The following MYH11 variants were observed in gnomAD, a reference collection of about 807,000 sequenced individuals.
MYH11 encodes myosin heavy chain 11.
A neutral mutation model predicts 246.6 loss-of-function variants in MYH11; 80 were observed. The observed-to-expected ratio is 0.32, with a 90% CI of 0.27 to 0.39. The LOEUF is 0.39. MYH11 is among the 10% of genes least tolerant of loss of function. The probability of loss-of-function intolerance (pLI) is 1.00; values close to 1 mark genes in which losing one functional copy is unlikely to be tolerated. For synonymous variants in MYH11, 1,071 were observed against 1,015.5 expected (o/e 1.05, Z -1.04); for missense variants, 2,158 against 2,546.8 (o/e 0.85, Z 3.29).
At chr16:15,814,152 AAC>A (rs1163924400) in intron 3 of MYH11, among the ~76,000 whole-genome samples, 21 of 151,726 alleles carry the variant, frequency 1.4e-4, no homozygotes, top group Admixed American at 7.9e-4. Context: ...AAAAAAAACA[AAC>A]AAACCAAAAA....
At chr16:15,789,736 G>A (rs1181732867) in intron 4 of MYH11, among the ~76,000 whole-genome samples, 3 of 152,196 alleles carry the variant, frequency 2.0e-5, no homozygotes, top group Non-Finnish European at 4.4e-5. Flanking sequence ...AACCTTGCTT[G>A]ACTTCATTCT....
chr16:15,731,710 C>T (rs1223317019), intron 27 of MYH11, among the ~76,000 whole-genome samples: 1 of 151,976 alleles, frequency 6.6e-6, no homozygotes, highest in African/African-American at 2.4e-5. Flanking sequence ...CCAGGCTGGT[C>T]TCGAACTCCT....
At chr16:15,783,121 C>CA (rs2042393162) in intron 5 of MYH11, 1 of 152,966 alleles carries the variant, frequency 6.5e-6, no homozygotes, top group Admixed American at 6.5e-5. Context: ...CACAGCCCAC[C>CA]GGCCCCCTCT....
Position 15,763,810 on chromosome 16 carries a change from A to G in MYH11, c.1115T>C (p.Met372Thr), listed in dbSNP as rs886038835. The G allele has an allele frequency of 7.1e-7, 1 of 1,409,764 alleles. No homozygotes were observed. 87.3% of individuals were successfully genotyped at this position (1,409,764 alleles called of 1,614,324 possible). Reference protein sequence around the residue: ...KKERNTDQASMPDNTAAQKVC... With the variant: ...KKERNTDQASTPDNTAAQKVC... Reference sequence around the variant, plus strand: ...GTGGCAAGTACCTGTGTTATCTGGCATGGACGCCTGGTCTGTGTTTCTTTC... The same window carrying G: ...GTGGCAAGTACCTGTGTTATCTGGCGTGGACGCCTGGTCTGTGTTTCTTTC... The change falls in exon 10 of 41, where the codon ATG becomes ACG. Residue 372 changes from methionine to threonine, a missense_variant. Physicochemically the swap from Met to Thr is moderately conservative, Grantham distance 81. Coordinates refer to ENST00000300036, the MANE Select transcript of MYH11 (RefSeq NM_002474.3).
intron 23 of MYH11, 49 bp from the exon 24 acceptor site, chr16:15,738,737 A>G (rs747228949): frequency 6.3e-7 from 1 of 1,599,934 alleles, no homozygotes; most frequent in Non-Finnish European, 8.5e-7. Context: ...TCTTTTCTCT[A>G]GAATCTATGT....
intron 1 of MYH11, among the ~76,000 whole-genome samples, chr16:15,839,289 T>G (rs372301478): frequency 6.6e-6 from 1 of 152,076 alleles, no homozygotes; most frequent in East Asian, 1.9e-4. Flanking sequence ...TAAATGAGTC[T>G]CAAAAGCATC....
In MYH11 at chr16:15,737,460, C is replaced by T. The variant is rs200289373; in HGVS notation, c.3282G>A (p.Ala1094=). 34 of 1,612,740 alleles carry T rather than the reference C, an allele frequency of 2.1e-5. No homozygotes were observed. The highest frequency in any genetic ancestry group is 2.5e-5 in the Non-Finnish European group (29 of 1,180,038). Reference sequence around the variant, plus strand: ...GCCAGCCCCGCTACCTGGCCAGGGCCGCCTGCAGCTCCTCCTCCTTCTTGG... The same window carrying T: ...GCCAGCCCCGCTACCTGGCCAGGGCTGCCTGCAGCTCCTCCTCCTTCTTGG... ...QLAKKEEELQ[A]ALARLDDEIA... The change falls in exon 25 of 41, where the codon GCG becomes GCA. Residue 1094 remains alanine (A), a synonymous_variant. Transcript: ENST00000300036.
rs886051757 is a variant in MYH11 at position 15,726,281 on chromosome 16, T to C, written c.3858+567A>G. 3 of 156,300 alleles carry C rather than the reference T, an allele frequency of 1.9e-5. No individual in the cohort carries two copies. Among genetic ancestry groups the C allele is most frequent in the Non-Finnish European group, 4.2e-5 (3 of 70,716 alleles). 9.7% of individuals were successfully genotyped at this position (156,300 alleles called of 1,614,324 possible). On this transcript the variant is annotated intron_variant, in intron 28 of 40. Coordinates refer to ENST00000300036, the MANE Select transcript of MYH11 (RefSeq NM_002474.3). Reference sequence around the variant, plus strand: ...AGCGACAGTGTCTCTTCTTCCTTGCTGTTGGATCTCAGGATTAAGCACAGT... The same window carrying C: ...AGCGACAGTGTCTCTTCTTCCTTGCCGTTGGATCTCAGGATTAAGCACAGT...
chr16:15,752,883 T>A (rs903210319), intron 15 of MYH11, among the ~76,000 whole-genome samples: 5 of 151,984 alleles, frequency 3.3e-5, no homozygotes, highest in Admixed American at 6.6e-5. Flanking sequence ...TGTCCCTAAA[T>A]AAATAAACAA....
intron 28 of MYH11, 36 bp downstream of exon 28, chr16:15,726,812 A>C (rs1358457600): frequency 2.5e-6 from 4 of 1,606,162 alleles, no homozygotes; most frequent in Non-Finnish European, 3.4e-6. Flanking sequence ...GGCACCACCC[A>C]GCACTGCCCA....
At chr16:15,734,086 C>T (rs918052825) in intron 26 of MYH11, among the ~76,000 whole-genome samples, 1 of 152,198 alleles carries the variant, frequency 6.6e-6, no homozygotes. Flanking sequence ...AGTCAGGATT[C>T]GTGATCTGGC....
chr16:15,713,626 G>C (rs1012624851), intron 40 of MYH11: 1 of 152,314 alleles, frequency 6.6e-6, no homozygotes, highest in Non-Finnish European at 1.5e-5. Flanking sequence ...CTCCTGAGTA[G>C]CTGGGATTTT....
At chr16:15,816,732 A>T (rs2043272218) in intron 3 of MYH11, among the ~76,000 whole-genome samples, 1 of 152,044 alleles carries the variant, frequency 6.6e-6, no homozygotes, top group African/African-American at 2.4e-5. Context: ...AAAATTGAAA[A>T]CAAAATTAAG....
In MYH11 at chr16:15,732,701, T is replaced by G; in HGVS notation, c.3514A>C (p.Arg1172=). ...TATQQELRAK[R]EQEVTVLKKA... ...TTCAGCACCGTCACCTCCTGCTCCCTCTTGGCCCTTGGTGGGAGGAACACA... is the reference window on the plus strand; with the variant it reads ...TTCAGCACCGTCACCTCCTGCTCCCGCTTGGCCCTTGGTGGGAGGAACACA... The change falls in exon 27 of 41, where the codon AGG becomes CGG. Residue 1172 remains arginine, a synonymous_variant. Coordinates refer to ENST00000300036, the MANE Select transcript of MYH11 (RefSeq NM_002474.3). The G allele has an allele frequency of 6.2e-7, 1 of 1,614,194 alleles. No individual in the cohort carries two copies. Among genetic ancestry groups the G allele is most frequent in the Non-Finnish European group, 8.5e-7 (1 of 1,180,034 alleles).
intron 1 of MYH11, among the ~76,000 whole-genome samples, chr16:15,853,470 C>A (rs1487415842): frequency 2.0e-5 from 3 of 152,104 alleles, no homozygotes; most frequent in Non-Finnish European, 4.4e-5. Context: ...CCTTTCCTAG[C>A]AACTTTGATG....
chr16:15,799,371 C>T (rs1478661557), intron 3 of MYH11, among the ~76,000 whole-genome samples: 1 of 152,208 alleles, frequency 6.6e-6, no homozygotes, highest in Non-Finnish European at 1.5e-5. Flanking sequence ...CTGAGGCAGA[C>T]TTCCTTTCTG....
chr16:15,778,824 T>C lies in MYH11; in HGVS notation c.746A>G (p.Asn249Ser), dbSNP rs2042283026. 6 of 1,614,040 alleles carry C rather than the reference T, an allele frequency of 3.7e-6. No homozygotes were observed. The highest frequency in any genetic ancestry group is 1.3e-5 in the African/African-American group (1 of 75,000). ...SSRFGKFIRI[N>S]FDVTGYIVGA... ...CACGATGTAACCCGTGACGTCGAAG[T>C]TGATGCGGATGAATTTGCCCTGCCA... The change falls in exon 7 of 41, where the codon AAC becomes AGC. Residue 249 changes from asparagine to serine, a missense_variant. This residue lies in a region of MYH11 where 123 missense variants were observed against 207.1 expected (regional missense o/e 0.59). Coordinates refer to ENST00000300036, the MANE Select transcript of MYH11 (RefSeq NM_002474.3).
At chr16:15,706,311 A>T (rs2039451633) in intron 40 of MYH11, among the ~76,000 whole-genome samples, 2 of 151,704 alleles carry the variant, frequency 1.3e-5, no homozygotes, top group South Asian at 4.2e-4. Flanking sequence ...CGCTTGACTC[A>T]GAAGGATGCT....
At chr16:15,749,483 T>A (rs1270942359) in intron 16 of MYH11, 1 of 152,540 alleles carries the variant, frequency 6.6e-6, no homozygotes, top group African/African-American at 2.4e-5. Flanking sequence ...ACCAGAAGCT[T>A]TCTCTGAGTC....
Sources: gnomAD v4.1 joint callset for allele counts (sites outside exome capture counted in the v4.1 genomes callset) on GRCh38, gnomAD v4.1.1 for gene constraint, gnomAD v4.1.1 regional missense constraint, MANE v1.5 for transcripts, NCBI Gene and HGNC (gene_info 2026-07-23, HGNC 2026-07-21) for gene names.